KLRD1: variants seen among roughly 807,000 people sequenced by gnomAD.
The protein encoded by KLRD1 is natural killer cells antigen CD94.
A neutral mutation model predicts 22.6 loss-of-function variants in KLRD1; 21 were observed. The ratio of observed to expected loss-of-function variants is 0.93; its 90% CI spans 0.66 to 1.34. The LOEUF (loss-of-function observed/expected upper bound fraction) is 1.34, where lower values mean the gene tolerates loss of function less well. Among genes scored for constraint, KLRD1 ranks in the 40% most tolerant of loss-of-function variants. KLRD1 has a pLI of 0.00. For missense variants in KLRD1, 183 were observed against 208.6 expected, an observed-to-expected ratio of 0.88 and a Z score of 0.76; for synonymous variants, 59 against 71.1, an observed-to-expected ratio of 0.83 and a Z score of 0.85.
At chr12:10,265,295 CTCCTT>C (rs982842423) in intron 1 of KLRD1, among the ~76,000 whole-genome samples, 3 of 152,156 alleles carry the variant, frequency 2.0e-5, no homozygotes, top group African/African-American at 7.2e-5. Context: ...TATTATTAGA[CTCCTT>C]CCTTTTGTTT....
At chr12:10,263,895 C>T (rs923644928) in intron 1 of KLRD1, among the ~76,000 whole-genome samples, 4 of 152,030 alleles carry the variant, frequency 2.6e-5, no homozygotes, top group Non-Finnish European at 5.9e-5. Context: ...TTGCAATTTT[C>T]CATTTTGTTC....
intron 1 of KLRD1, among the ~76,000 whole-genome samples, chr12:10,281,658 C>G (rs1949644593): frequency 6.6e-6 from 1 of 152,140 alleles, no homozygotes; most frequent in Admixed American, 6.5e-5. Context: ...ATTTTCTCAT[C>G]TGAGTTCAGT....
At chr12:10,285,228 ATTC>A (rs1051615942) in intron 1 of KLRD1, among the ~76,000 whole-genome samples, 3 of 152,200 alleles carry the variant, frequency 2.0e-5, no homozygotes, top group African/African-American at 7.2e-5. Context: ...TATAAAATAA[ATTC>A]TTACCTTTAG....
rs1169423548 is a variant in KLRD1, at chr12:10,318,906, T to A, written c.*4113T>A. 6.6e-6 allele frequency: 1 copy of A among 151,698 alleles called. No homozygotes were observed. The highest frequency in any genetic ancestry group is 1.5e-5 in the Non-Finnish European group (1 of 67,940). 9.4% of individuals were successfully genotyped at this position (151,698 alleles called of 1,614,324 possible). A position where few individuals can be genotyped will look rare whatever the true frequency, so the allele number is the denominator to read the frequency against. On this transcript the variant is annotated 3_prime_UTR_variant, in exon 6 of 6. Coordinates refer to ENST00000336164, the MANE Select transcript of KLRD1 (RefSeq NM_002262.5). The stretch of plus-strand genomic sequence containing the variant: ...TGCTCATTAGAACCTTATAATTCAT[T>A]TCAGTTATCTACACCTGGAAATGTT...
At chr12:10,295,916 A>G (rs1323218028) in intron 1 of KLRD1, among the ~76,000 whole-genome samples, 3 of 152,186 alleles carry the variant, frequency 2.0e-5, no homozygotes, top group African/African-American at 4.8e-5. Flanking sequence ...CCGTGTTTCA[A>G]TGCAGAGTGA....
chr12:10,317,693 C>T lies in KLRD1; in HGVS notation c.*2900C>T, dbSNP rs549715376. The T allele has an allele frequency of 6.6e-6, 1 of 152,288 alleles. No homozygotes were observed. Among genetic ancestry groups the T allele is most frequent in the South Asian group, 2.1e-4 (1 of 4,824 alleles). 9.4% of individuals were successfully genotyped at this position (152,288 alleles called of 1,614,324 possible). A position where few individuals can be genotyped will look rare whatever the true frequency, so the allele number is the denominator to read the frequency against. On this transcript the variant is annotated 3_prime_UTR_variant, in exon 6 of 6. Transcript: ENST00000336164. ...ATTCTTTTACCTCAATGCCACCGGCCCAGGTAGCCGTTGCTCACCCACAAC... is the reference window on the plus strand; with the variant it reads ...ATTCTTTTACCTCAATGCCACCGGCTCAGGTAGCCGTTGCTCACCCACAAC...
At chr12:10,240,513 T>C (rs1708713775) in intron 1 of KLRD1, among the ~76,000 whole-genome samples, 1 of 152,178 alleles carries the variant, frequency 6.6e-6, no homozygotes, top group African/African-American at 2.4e-5. Context: ...AGAGTTTTTA[T>C]ATTATTTGAA....
intron 1 of KLRD1, among the ~76,000 whole-genome samples, chr12:10,291,286 A>C (rs1949768006): frequency 6.6e-6 from 1 of 152,088 alleles, no homozygotes; most frequent in African/African-American, 2.4e-5. Flanking sequence ...GACAGTGGCA[A>C]TTTCTAAAAA....
Position 10,298,957 on chromosome 12 carries a change from T to C in KLRD1, c.-100-9021T>C, listed in dbSNP as rs2137674756. ...TTTAATTCCTCTAGCACCGCTGGGT[T>C]AGGGTCTCCACGACTGAGCTGGTCT... On this transcript the variant is annotated intron_variant, in intron 1 of 5. Transcript: ENST00000544747. Among the ~76,000 whole-genome samples the C allele has an allele frequency of 1.3e-5, 2 of 152,316 alleles. 1 individual carries two copies. The highest frequency in any genetic ancestry group is 6.8e-3 in the Middle Eastern group (2 of 294).
At chr12:10,240,313 T>C (rs7972414) in intron 1 of KLRD1, among the ~76,000 whole-genome samples, 1 of 151,766 alleles carries the variant, frequency 6.6e-6, no homozygotes, top group African/African-American at 2.4e-5. Context: ...TGCCCGCTTC[T>C]GCCTCCCAAA....
chr12:10,326,492 G>T lies in KLRD1; in HGVS notation c.*11699G>T, dbSNP rs1367587968. 6.6e-6 allele frequency: 1 copy of T among 152,228 alleles called. No homozygotes were observed. The highest frequency in any genetic ancestry group is 2.4e-5 in the African/African-American group (1 of 41,442). The allele number at this position is 152,228 out of a possible 1,614,324, so 9.4% of individuals were successfully genotyped here. A position where few individuals can be genotyped will look rare whatever the true frequency, so the allele number is the denominator to read the frequency against. ...CATATGTAAAATGAACAGTGGTTTGGTCTAGAAAGGTGGGACAATTCAAAG... is the reference window on the plus strand; with the variant it reads ...CATATGTAAAATGAACAGTGGTTTGTTCTAGAAAGGTGGGACAATTCAAAG... On this transcript the variant is annotated 3_prime_UTR_variant, in exon 6 of 6. Transcript: ENST00000336164.
intron 1 of KLRD1, among the ~76,000 whole-genome samples, chr12:10,267,535 C>T (rs1309319366): frequency 6.6e-6 from 1 of 152,124 alleles, no homozygotes; most frequent in African/African-American, 2.4e-5. Context: ...CAGCAGAAGT[C>T]AGCCATTGAG....
rs536133741 is a variant in KLRD1, at chr12:10,247,446, A to T, written c.-101+21213A>T. Reference sequence around the variant, plus strand: ...ACTTTTTGTGTAAGTAGATGTACTAATTTTTGTATAACATTTTTAGAAAAT... The same window carrying T: ...ACTTTTTGTGTAAGTAGATGTACTATTTTTTGTATAACATTTTTAGAAAAT... On this transcript the variant is annotated intron_variant, in intron 1 of 5. Transcript: ENST00000544747. 5.9e-5 allele frequency among the ~76,000 whole-genome samples: 9 copies of T among 152,194 alleles called. No individual in the cohort carries two copies. In the South Asian group the frequency reaches 1.9e-3, roughly 32 times the overall value.
intron 1 of KLRD1, among the ~76,000 whole-genome samples, chr12:10,296,353 A>T (rs1281487214): frequency 1.3e-5 from 2 of 152,094 alleles, no homozygotes; most frequent in African/African-American, 4.8e-5. Context: ...CGTCTCTACT[A>T]AAAATACAAA....
chr12:10,327,157 G>A lies in KLRD1; in HGVS notation c.*12364G>A, dbSNP rs1950368853. On this transcript the variant is annotated 3_prime_UTR_variant, in exon 6 of 6. Transcript: ENST00000336164. ...CCCGTCACTGTTTGTTGAAGAAACT[G>A]TCATTTCCCCTTAAATAGTCCTGCC... 1 of 152,156 alleles carries A rather than the reference G, an allele frequency of 6.6e-6. No homozygotes were observed. Among genetic ancestry groups the A allele is most frequent in the Non-Finnish European group, 1.5e-5 (1 of 68,014 alleles). 9.4% of individuals were successfully genotyped at this position (152,156 alleles called of 1,614,324 possible).
chr12:10,312,180 G>A (rs1950092999), intron 4 of KLRD1, among the ~76,000 whole-genome samples: 1 of 150,756 alleles, frequency 6.6e-6, no homozygotes, highest in Non-Finnish European at 1.5e-5. Context: ...AGCCTCCTGA[G>A]TAGCTGGGAT....
rs748088813 is a variant in KLRD1, at chr12:10,309,483, A to G, written c.100+3A>G. The G allele has an allele frequency of 1.4e-6, 2 of 1,418,484 alleles. No individual in the cohort carries two copies. The highest frequency in any genetic ancestry group is 2.0e-6 in the Non-Finnish European group (2 of 1,001,794). 87.9% of individuals were successfully genotyped at this position (1,418,484 alleles called of 1,614,324 possible). On this transcript the variant is annotated splice_donor_region_variant and intron_variant, in intron 2 of 5. Transcript: ENST00000336164. ...GTTGGGAATTTTGTTGAAAAATTGT[A>G]AGTTTTTCTAAGCAAGTCTCCATAA...
intron 1 of KLRD1, among the ~76,000 whole-genome samples, chr12:10,247,422 C>G (rs74062123): frequency 0.015 from 2,252 of 152,024 alleles, 56 homozygotes; most frequent in African/African-American, 0.051. Flanking sequence ...TATGCTTACA[C>G]TTTTTGTGTA....
chr12:10,263,146 A>G (rs1234967990), intron 1 of KLRD1, among the ~76,000 whole-genome samples: 1 of 151,998 alleles, frequency 6.6e-6, no homozygotes, highest in Admixed American at 6.6e-5. Context: ...ATGCTGAGCT[A>G]TTTTAATATT....
Sources: gnomAD v4.1 joint callset for allele counts (sites outside exome capture counted in the v4.1 genomes callset) on GRCh38, gnomAD v4.1.1 for gene constraint, MANE v1.5 for transcripts, NCBI Gene and HGNC (gene_info 2026-07-23, HGNC 2026-07-21) for gene names.